CSMD1: variants seen among roughly 807,000 people sequenced by gnomAD.
CSMD1 encodes CUB and Sushi multiple domains 1.
CSMD1 carries 213 observed loss-of-function variants against 417.5 expected under a neutral mutation model. The ratio of observed to expected loss-of-function variants is 0.51; its 90% CI spans 0.46 to 0.57. The LOEUF (loss-of-function observed/expected upper bound fraction) is 0.57, where lower values mean the gene tolerates loss of function less well. Ranked by LOEUF, CSMD1 falls within the 20% of genes least tolerant of loss-of-function variation. The pLI is 0.00. For synonymous variants in CSMD1, 2,862 were observed against 1,736.8 expected (o/e 1.65, Z -16.11); for missense variants, 6,923 against 4,529.7 (o/e 1.53, Z -15.17).
At chr8:3,072,150 T>G (rs752658113) in intron 49 of CSMD1, among the ~76,000 whole-genome samples, 4 of 152,232 alleles carry the variant, frequency 2.6e-5, no homozygotes, top group Non-Finnish European at 5.9e-5. Context: ...TCAGGGCATC[T>G]GAGATCAATT....
intron 23 of CSMD1, among the ~76,000 whole-genome samples, chr8:3,332,574 G>A (rs1447968532): frequency 1.3e-5 from 2 of 152,218 alleles, no homozygotes; most frequent in African/African-American, 2.4e-5. Context: ...ACTGTAAGCT[G>A]AAATATTTCC....
intron 3 of CSMD1, among the ~76,000 whole-genome samples, chr8:4,128,270 T>G (rs1802884759): frequency 6.6e-6 from 1 of 152,072 alleles, no homozygotes; most frequent in Non-Finnish European, 1.5e-5. Context: ...GAGGAATGCA[T>G]GAGTAAGAAT....
intron 3 of CSMD1, among the ~76,000 whole-genome samples, chr8:4,279,532 G>C (rs1230918847): frequency 6.6e-6 from 1 of 152,260 alleles, no homozygotes; most frequent in Middle Eastern, 3.4e-3. Context: ...TGTGGTTAGT[G>C]CAACTTTAGC....
chr8:4,374,185 C>A (rs547456037), intron 3 of CSMD1, among the ~76,000 whole-genome samples: 1 of 152,116 alleles, frequency 6.6e-6, no homozygotes, highest in Non-Finnish European at 1.5e-5. Flanking sequence ...CTCTGAGTTC[C>A]AGTCCAGGGT....
intron 3 of CSMD1, among the ~76,000 whole-genome samples, chr8:4,249,623 C>T (rs1313553913): frequency 6.6e-6 from 1 of 152,148 alleles, no homozygotes; most frequent in Admixed American, 6.5e-5. Flanking sequence ...GTTTTCTCTG[C>T]TCAACACAGT....
intron 2 of CSMD1, among the ~76,000 whole-genome samples, chr8:4,520,151 A>G (rs984345960): frequency 1.3e-5 from 2 of 152,202 alleles, no homozygotes; most frequent in Non-Finnish European, 2.9e-5. Context: ...TGGTAGAGCT[A>G]AAATCAGTAA....
At chr8:3,202,760 G>A (rs1334454998) in intron 31 of CSMD1, among the ~76,000 whole-genome samples, 1 of 152,120 alleles carries the variant, frequency 6.6e-6, no homozygotes, top group Non-Finnish European at 1.5e-5. Context: ...CAGTGTGTGT[G>A]CCCATGTGTG....
chr8:4,778,691 A>G (rs556957498), intron 1 of CSMD1, among the ~76,000 whole-genome samples: 24 of 152,162 alleles, frequency 1.6e-4, no homozygotes, highest in Non-Finnish European at 2.5e-4. Flanking sequence ...GCACTGTCCA[A>G]TCAGAAATAC....
intron 1 of CSMD1, among the ~76,000 whole-genome samples, chr8:4,675,794 T>C (rs1805645666): frequency 6.6e-6 from 1 of 152,210 alleles, no homozygotes; most frequent in South Asian, 2.1e-4. Context: ...ATTCAGGTAC[T>C]CTGTTTTCTT....
chr8:3,570,789 A>C (rs898398444), intron 10 of CSMD1, among the ~76,000 whole-genome samples: 1 of 152,144 alleles, frequency 6.6e-6, no homozygotes, highest in African/African-American at 2.4e-5. Flanking sequence ...CAAGCTAATA[A>C]AGCGTTCTCA....
chr8:3,494,286 G>C (rs566782071), intron 10 of CSMD1, among the ~76,000 whole-genome samples: 3 of 152,204 alleles, frequency 2.0e-5, no homozygotes, highest in Admixed American at 2.0e-4. Context: ...GCAGCACCAA[G>C]ACATCTGTAC....
intron 5 of CSMD1, among the ~76,000 whole-genome samples, chr8:3,783,235 C>T (rs910459781): frequency 2.0e-5 from 3 of 152,144 alleles, no homozygotes; most frequent in Admixed American, 6.5e-5. Context: ...ATGGTCAGGC[C>T]GATACTGTGT....
rs116314718 is a variant in CSMD1 at position 4,637,441 on chromosome 8, T to C, written c.203A>G (p.Asn68Ser). 4.6e-5 allele frequency: 75 copies of C among 1,613,854 alleles called. No individual in the cohort carries two copies. Among genetic ancestry groups the C allele is most frequent in the African/African-American group, 3.6e-4 (27 of 75,008 alleles). ...CTWIIITGER[N>S]RIQLSFHTFA... ...GGTATGGAAGGACAACTGTATCCTA[T>C]TGCGCTCGCCCGTGATGATGATCCA... Residue 68 changes from asparagine to serine, a missense_variant, in exon 2 of 70, where the codon AAT becomes AGT. Asn to Ser is a conservative substitution (Grantham distance 46). Coordinates refer to ENST00000635120, the MANE Select transcript of CSMD1 (RefSeq NM_033225.6).
At chr8:4,723,352 G>A (rs1306610253) in intron 1 of CSMD1, among the ~76,000 whole-genome samples, 1 of 152,116 alleles carries the variant, frequency 6.6e-6, no homozygotes, top group African/African-American at 2.4e-5. Context: ...CTCTTTCAAG[G>A]ACCGAGGTTC....
At chr8:3,958,227 T>A (rs1455940262) in intron 5 of CSMD1, among the ~76,000 whole-genome samples, 2 of 152,058 alleles carry the variant, frequency 1.3e-5, no homozygotes, top group Non-Finnish European at 2.9e-5. Flanking sequence ...TAACCAAACA[T>A]GAAGATAGAC....
intron 2 of CSMD1, among the ~76,000 whole-genome samples, chr8:4,538,048 A>T (rs1797189268): frequency 5.3e-5 from 8 of 152,260 alleles, no homozygotes; most frequent in Admixed American, 2.6e-4. Flanking sequence ...ATAGCTGTCA[A>T]TTGCTTCATC....
chr8:3,283,184 T>G lies in CSMD1; in HGVS notation c.4153+960A>C, dbSNP rs558862776. On this transcript the variant is annotated intron_variant, in intron 26 of 69. Coordinates refer to ENST00000635120, the MANE Select transcript of CSMD1 (RefSeq NM_033225.6). ...GCTTCTTGAAACTTTATCCCTAAGGTGGAAAAAAAATTCACGGACCGTCCT... is the reference window on the plus strand; with the variant it reads ...GCTTCTTGAAACTTTATCCCTAAGGGGGAAAAAAAATTCACGGACCGTCCT... Among the ~76,000 whole-genome samples the G allele has an allele frequency of 3.9e-3, 586 of 151,988 alleles. 1 individual carries two copies. The highest frequency in any genetic ancestry group is 0.02 in the Middle Eastern group (6 of 294).
At chr8:4,366,541 C>T (rs1007179002) in intron 3 of CSMD1, among the ~76,000 whole-genome samples, 4 of 152,152 alleles carry the variant, frequency 2.6e-5, no homozygotes, top group Admixed American at 2.6e-4. Flanking sequence ...GCATTCCACT[C>T]ACAGCATATA....
chr8:4,827,886 C>G (rs1373123464), intron 1 of CSMD1, among the ~76,000 whole-genome samples: 1 of 152,168 alleles, frequency 6.6e-6, no homozygotes, highest in African/African-American at 2.4e-5. Context: ...TTCTCGTCCT[C>G]AAGCAACTGC....
Sources: gnomAD v4.1 joint callset for allele counts (sites outside exome capture counted in the v4.1 genomes callset) on GRCh38, gnomAD v4.1.1 for gene constraint, MANE v1.5 for transcripts, NCBI Gene and HGNC (gene_info 2026-07-23, HGNC 2026-07-21) for gene names.